Variants in RANBP2 observed in about 807,000 individuals in gnomAD.
The protein encoded by RANBP2 is RAN binding protein 2.
RANBP2 carries 57 observed loss-of-function variants against 303.6 expected under a neutral mutation model. The ratio of observed to expected loss-of-function variants is 0.19; its 90% CI spans 0.15 to 0.23. The LOEUF (loss-of-function observed/expected upper bound fraction) is 0.23. Among genes scored for constraint, RANBP2 ranks in the 10% least tolerant of loss-of-function variants. RANBP2 has a pLI of 1.00. For missense variants in RANBP2, 3,138 were observed against 3,780.8 expected, an observed-to-expected ratio of 0.83 and a Z score of 4.46; for synonymous variants, 1,167 against 1,301.5, an observed-to-expected ratio of 0.90 and a Z score of 2.23.
At chr2:108,815,936 T>C in the RANBP2 span, 1 of 1,598,594 alleles carries the variant, frequency 6.3e-7, no homozygotes, top group Non-Finnish European at 8.5e-7. Flanking sequence ...ATTTTTGACA[T>C]ATAGGTACCA....
At chr2:109,020,411 C>T in the RANBP2 span, among the ~76,000 whole-genome samples, 1 of 152,174 alleles carries the variant, frequency 6.6e-6, no homozygotes, top group African/African-American at 2.4e-5. Context: ...ATTCGGGTTC[C>T]AGTAGAGGAA....
At chr2:108,798,643 C>G in the RANBP2 span, 2,912 of 1,350,698 alleles carry the variant, frequency 2.2e-3, 4 homozygotes, top group Non-Finnish European at 2.9e-3. Flanking sequence ...TTCTTAGATT[C>G]ACTAGTTACT....
the RANBP2 span, among the ~76,000 whole-genome samples, chr2:109,194,279 G>A: frequency 4.5e-4 from 69 of 152,312 alleles, no homozygotes; most frequent in African/African-American, 1.6e-3. Context: ...CACAGATGCC[G>A]GTCTTGTGTT....
chr2:108,930,917 T>C, the RANBP2 span: 3 of 1,604,528 alleles, frequency 1.9e-6, no homozygotes, highest in Non-Finnish European at 2.6e-6. Flanking sequence ...AGTCCAACCA[T>C]CATGAGGATG....
the RANBP2 span, among the ~76,000 whole-genome samples, chr2:109,341,234 T>C: frequency 2.0e-5 from 3 of 152,168 alleles, no homozygotes; most frequent in Non-Finnish European, 4.4e-5. Context: ...CGAAATATAA[T>C]TATCTGTAAA....
the RANBP2 span, among the ~76,000 whole-genome samples, chr2:109,678,414 G>C: frequency 6.6e-6 from 1 of 152,278 alleles, no homozygotes; most frequent in Admixed American, 6.5e-5. Flanking sequence ...ACTGGGCCTG[G>C]GGTGCTCCCC....
chr2:109,047,815 A>C, the RANBP2 span, among the ~76,000 whole-genome samples: 1 of 150,694 alleles, frequency 6.6e-6, no homozygotes, highest in African/African-American at 2.5e-5. Flanking sequence ...TCTCAAAAAC[A>C]AAAAAACAAA....
At chr2:109,054,524 G>A in the RANBP2 span, among the ~76,000 whole-genome samples, 1 of 151,986 alleles carries the variant, frequency 6.6e-6, no homozygotes, top group Non-Finnish European at 1.5e-5. Context: ...AGCCAACATG[G>A]TGAAATCCCT....
chr2:109,264,468 A>G, the RANBP2 span, among the ~76,000 whole-genome samples: 5 of 152,162 alleles, frequency 3.3e-5, no homozygotes, highest in African/African-American at 7.2e-5. Context: ...CTACCTCCCT[A>G]TATGTCCTGC....
chr2:108,793,763 AT>A, the RANBP2 span, among the ~76,000 whole-genome samples: 129 of 145,198 alleles, frequency 8.9e-4, no homozygotes, highest in Non-Finnish European at 9.0e-4. Context: ...CGCCCGGCTA[AT>A]TTTTTTTTTT....
chr2:109,280,389 T>C, the RANBP2 span, among the ~76,000 whole-genome samples: 1 of 152,174 alleles, frequency 6.6e-6, no homozygotes, highest in Non-Finnish European at 1.5e-5. Context: ...GCATCCCACC[T>C]GAGTGCGCTC....
chr2:109,371,727 C>T, the RANBP2 span: 1 of 1,540,292 alleles, frequency 6.5e-7, no homozygotes, highest in Non-Finnish European at 8.9e-7. Flanking sequence ...CTTGCCCACC[C>T]TTGTTTCACT....
At position 108,766,602 on chromosome 2, in the gene RANBP2, A is replaced by G. The variant is rs762101192; in HGVS notation, c.6063A>G (p.Glu2021=). The G allele has an allele frequency of 2.1e-5, 34 of 1,611,900 alleles. No homozygotes were observed. Among genetic ancestry groups the G allele is most frequent in the Non-Finnish European group, 2.8e-5 (33 of 1,179,856 alleles). The part of the protein sequence containing the change: ...IHFEPVVQMP[E]KVELVTGEED... ...TTGAACCAGTAGTTCAAATGCCCGA[A>G]AAAGTAGAACTTGTAACAGGAGAAG... The change falls in exon 20 of 29, where the codon GAA becomes GAG. Residue 2021 remains glutamate, a synonymous_variant. Coordinates refer to ENST00000283195, the MANE Select transcript of RANBP2 (RefSeq NM_006267.5).
the RANBP2 span, among the ~76,000 whole-genome samples, chr2:109,021,997 G>GC: frequency 6.6e-6 from 1 of 152,158 alleles, no homozygotes; most frequent in Non-Finnish European, 1.5e-5. Flanking sequence ...TACACAAGAG[G>GC]CCCTTTGGCC....
the RANBP2 span, among the ~76,000 whole-genome samples, chr2:108,963,015 C>T: frequency 3.3e-5 from 5 of 152,250 alleles, no homozygotes; most frequent in Middle Eastern, 3.4e-3. Flanking sequence ...TCTGCACCAG[C>T]GATCAATTGA....
At chr2:109,197,349 A>C in the RANBP2 span, among the ~76,000 whole-genome samples, 1 of 152,158 alleles carries the variant, frequency 6.6e-6, no homozygotes, top group African/African-American at 2.4e-5. Flanking sequence ...AGGGAAGGGA[A>C]GGGCCAGACC....
the RANBP2 span, among the ~76,000 whole-genome samples, chr2:109,632,824 A>AC: frequency 1.3e-5 from 2 of 151,652 alleles, no homozygotes; most frequent in African/African-American, 4.9e-5. Context: ...GTCTCAAAAA[A>AC]AAAAACAAAA....
chr2:109,301,344 G>A, the RANBP2 span, among the ~76,000 whole-genome samples: 1 of 132,928 alleles, frequency 7.5e-6, no homozygotes, highest in Non-Finnish European at 1.6e-5. Flanking sequence ...ACGTGTGTGT[G>A]TGTGTGTGTT....
chr2:108,764,373 A>G lies in RANBP2; in HGVS notation c.3834A>G (p.Pro1278=), dbSNP rs1466185400. 6.2e-7 allele frequency: 1 copy of G among 1,614,002 alleles called. No individual in the cohort carries two copies. The highest frequency in any genetic ancestry group is 8.5e-7 in the Non-Finnish European group (1 of 1,179,972). The change falls in exon 20 of 29, where the codon CCA becomes CCG. Residue 1278 remains proline (P), a synonymous_variant. Transcript: ENST00000283195. The part of the protein sequence containing the change: ...ALDYADELPK[P]EQLAIRFKTP... ...ATTATGCAGATGAGTTGCCAAAACC[A>G]GAACAACTTGCTATTAGGTTCAAAA...
Sources: gnomAD v4.1 joint callset for allele counts (sites outside exome capture counted in the v4.1 genomes callset) on GRCh38, gnomAD v4.1.1 for gene constraint, MANE v1.5 for transcripts, NCBI Gene and HGNC (gene_info 2026-07-23, HGNC 2026-07-21) for gene names.